PHF24: variants seen among roughly 807,000 people sequenced by gnomAD.
PHF24 encodes the protein PHD finger protein 24, also known as Galpha inhibitory interacting protein.
Under a neutral mutation model 42.6 loss-of-function variants are expected in PHF24, and 25 were observed. That is an observed-to-expected ratio of 0.59 (90% CI 0.43 to 0.82). The LOEUF is 0.82. Among genes scored for constraint, PHF24 ranks in the 40% least tolerant of loss-of-function variants. PHF24 has a pLI of 0.00. For missense variants in PHF24, 470 were observed against 538.1 expected (o/e 0.87, Z 1.25); for synonymous variants, 185 against 204.8 (o/e 0.90, Z 0.83).
chr9:34,974,309 A>T (rs1048759069), intron 3 of PHF24, among the ~76,000 whole-genome samples: 10 of 152,200 alleles, frequency 6.6e-5, no homozygotes, highest in Non-Finnish European at 1.5e-4. Context: ...TGTCAAGTCC[A>T]CTGACCTTTT....
chr9:34,667,105 C>T, the PHF24 span, among the ~76,000 whole-genome samples: 1 of 152,204 alleles, frequency 6.6e-6, no homozygotes, highest in Non-Finnish European at 1.5e-5. Context: ...AAAGGGCAAT[C>T]AACCCAGTGT....
At chr9:34,976,811 T>G (rs59821632) in intron 5 of PHF24, 71 bp downstream of exon 5, 4 of 1,361,494 alleles carry the variant, frequency 2.9e-6, no homozygotes, top group Admixed American at 3.6e-5. Flanking sequence ...GCTGGGCAGA[T>G]TGGGGGAGCA....
the PHF24 span, among the ~76,000 whole-genome samples, chr9:34,856,405 G>A: frequency 6.6e-6 from 1 of 152,290 alleles, no homozygotes; most frequent in Non-Finnish European, 1.5e-5. Context: ...ATCTTTGTGG[G>A]CTAATCTACA....
chr9:34,908,842 C>CTTTTTTTTTTTTTTTTTTTTTTTTTT, the PHF24 span, among the ~76,000 whole-genome samples: 1 of 135,344 alleles, frequency 7.4e-6, no homozygotes, highest in Non-Finnish European at 1.6e-5. Flanking sequence ...CTTTTCTTTT[C>CTTTTTTTTTTTTTTTTTTTTTTTTTT]TTTTTTTTTT....
the PHF24 span, chr9:34,710,096 G>A: frequency 6.2e-7 from 1 of 1,603,474 alleles, no homozygotes; most frequent in East Asian, 2.2e-5. Context: ...TAAGAGGCCA[G>A]AGCTGAGGGT....
the PHF24 span, chr9:34,922,297 C>G: frequency 3.1e-6 from 5 of 1,593,156 alleles, no homozygotes; most frequent in Non-Finnish European, 4.3e-6. Context: ...TTGGATGACT[C>G]TTCACTTAAT....
At chr9:34,936,446 T>C in the PHF24 span, among the ~76,000 whole-genome samples, 3 of 152,082 alleles carry the variant, frequency 2.0e-5, no homozygotes, top group Non-Finnish European at 1.5e-5. Flanking sequence ...CCGCCTGCCT[T>C]GGCCTCCCAA....
At chr9:34,962,624 A>G (rs1048415132) in intron 1 of PHF24, among the ~76,000 whole-genome samples, 17 of 152,352 alleles carry the variant, frequency 1.1e-4, no homozygotes, top group Non-Finnish European at 4.4e-5. Flanking sequence ...AAGGTGTAAT[A>G]ATTGCATTAC....
the PHF24 span, chr9:34,691,345 G>A: frequency 3.9e-6 from 2 of 517,344 alleles, no homozygotes; most frequent in East Asian, 6.6e-5. Context: ...TCCCCTTCAT[G>A]TCCCATTCTG....
the PHF24 span, among the ~76,000 whole-genome samples, chr9:34,844,201 C>G: frequency 6.6e-6 from 1 of 151,948 alleles, no homozygotes; most frequent in Non-Finnish European, 1.5e-5. Flanking sequence ...CTTAATGTAA[C>G]TAAAGATTTG....
At chr9:34,883,259 C>G in the PHF24 span, among the ~76,000 whole-genome samples, 3 of 152,126 alleles carry the variant, frequency 2.0e-5, no homozygotes, top group Non-Finnish European at 4.4e-5. Flanking sequence ...ACCATAAAAA[C>G]CCTAGAAGAA....
At chr9:34,901,106 G>A in the PHF24 span, among the ~76,000 whole-genome samples, 2 of 152,122 alleles carry the variant, frequency 1.3e-5, no homozygotes, top group Non-Finnish European at 2.9e-5. Context: ...AAAAATTCTT[G>A]TCAAGAAAAC....
the PHF24 span, among the ~76,000 whole-genome samples, chr9:34,910,519 C>T: frequency 6.6e-6 from 1 of 152,054 alleles, no homozygotes; most frequent in Non-Finnish European, 1.5e-5. Context: ...TCAAATTAGC[C>T]ATTTCATAAT....
At chr9:34,877,118 T>C in the PHF24 span, among the ~76,000 whole-genome samples, 1 of 151,876 alleles carries the variant, frequency 6.6e-6, no homozygotes, top group Non-Finnish European at 1.5e-5. Context: ...CTGTCTCTAC[T>C]GAAAATACAA....
the PHF24 span, among the ~76,000 whole-genome samples, chr9:34,818,952 A>G: frequency 6.6e-6 from 1 of 152,194 alleles, no homozygotes; most frequent in Admixed American, 6.5e-5. Context: ...TTCATGTGAA[A>G]GCTTTTAATG....
At chr9:34,870,468 C>T in the PHF24 span, among the ~76,000 whole-genome samples, 332 of 152,158 alleles carry the variant, frequency 2.2e-3, 1 homozygote, top group African/African-American at 7.7e-3. Context: ...CTTTTACTGT[C>T]TCCATAGTTT....
chr9:34,966,581 C>A (rs1826775930), intron 1 of PHF24, among the ~76,000 whole-genome samples: 2 of 90,778 alleles, frequency 2.2e-5, no homozygotes, highest in East Asian at 2.0e-4. Context: ...TATGGCGAGA[C>A]CCCCCCCCTC....
the PHF24 span, chr9:34,832,448 G>T: frequency 6.9e-7 from 1 of 1,444,426 alleles, no homozygotes; most frequent in East Asian, 2.5e-5. Flanking sequence ...AGAAAGCTGG[G>T]CCCATCAGCT....
At chr9:34,923,424 T>C in the PHF24 span, among the ~76,000 whole-genome samples, 1 of 152,220 alleles carries the variant, frequency 6.6e-6, no homozygotes, top group Non-Finnish European at 1.5e-5. Context: ...TTTAAATGTT[T>C]GGTAAAATTC....
Sources: allele counts gnomAD v4.1 joint callset (sites outside exome capture counted in the v4.1 genomes callset), GRCh38; gene constraint gnomAD v4.1.1; transcripts MANE v1.5; gene names NCBI Gene and HGNC (gene_info 2026-07-23, HGNC 2026-07-21).